The following RPS6KA5 variants were observed in gnomAD, a reference collection of about 807,000 sequenced individuals.
RPS6KA5 encodes the protein ribosomal protein S6 kinase A5, also known as ribosomal protein S6 kinase alpha-5.
A neutral mutation model predicts 85.5 loss-of-function variants in RPS6KA5; 27 were observed. The observed-to-expected ratio is 0.32, with a 90% CI of 0.23 to 0.44. The LOEUF is 0.44. RPS6KA5 is among the 20% of genes least tolerant of loss of function. RPS6KA5 has a pLI of 1.00. For synonymous variants in RPS6KA5, 334 were observed against 348.2 expected (o/e 0.96, Z 0.46); for missense variants, 811 against 980.9 (o/e 0.83, Z 2.31).
intron 1 of RPS6KA5, among the ~76,000 whole-genome samples, chr14:91,015,991 TAG>T (rs1371500509): frequency 2.0e-5 from 3 of 152,146 alleles, no homozygotes; most frequent in Admixed American, 2.0e-4. Context: ...ATTCTGAATG[TAG>T]AAGAAAAAAG....
In RPS6KA5 at chr14:90,947,531, T is replaced by A; in HGVS notation, c.414A>T (p.Glu138Asp). Reference protein sequence around the residue: ...HLILDYINGGELFTHLSQRER... With the variant: ...HLILDYINGGDLFTHLSQRER... ...CTCTTTGAGAAAGATGAGTAAAAAG[T>A]TCACCACCATTTATATAATCTAAAA... Residue 138 changes from glutamate to aspartate, a missense_variant, in exon 4 of 17, where the codon GAA (glutamate) becomes GAT (aspartate). Transcript: ENST00000614987. 6.3e-7 allele frequency: 1 copy of A among 1,591,232 alleles called. No homozygotes were observed. Among genetic ancestry groups the A allele is most frequent in the Non-Finnish European group, 8.6e-7 (1 of 1,159,778 alleles).
intron 5 of RPS6KA5, among the ~76,000 whole-genome samples, chr14:90,937,465 T>C (rs1023686210): frequency 6.6e-6 from 1 of 151,988 alleles, no homozygotes; most frequent in African/African-American, 2.4e-5. Context: ...AATTTTAAGA[T>C]GGAAAGACTA....
chr14:91,058,084 C>CA (rs946703022), intron 1 of RPS6KA5, among the ~76,000 whole-genome samples: 1 of 152,194 alleles, frequency 6.6e-6, no homozygotes, highest in African/African-American at 2.4e-5. Flanking sequence ...CATATCAGAT[C>CA]AAATTACTCT....
At chr14:91,013,060 C>T (rs2041327034) in intron 1 of RPS6KA5, among the ~76,000 whole-genome samples, 1 of 152,184 alleles carries the variant, frequency 6.6e-6, no homozygotes. Flanking sequence ...ACTCCCTATC[C>T]TTAAGTGAGC....
chr14:90,999,507 G>A (rs1167093993), intron 2 of RPS6KA5, among the ~76,000 whole-genome samples: 1 of 152,144 alleles, frequency 6.6e-6, no homozygotes, highest in Non-Finnish European at 1.5e-5. Flanking sequence ...GAATGGGGAG[G>A]AGGAGGGGGA....
chr14:90,923,193 C>T lies in RPS6KA5; in HGVS notation c.622G>A (p.Glu208Lys). 6.2e-7 allele frequency: 1 copy of T among 1,610,706 alleles called. No homozygotes were observed. The change falls in exon 6 of 17, where the codon GAA becomes AAA. Residue 208 changes from glutamate (E) to lysine (K), a missense_variant. By Grantham distance (56) the Glu-to-Lys change is moderately conservative (BLOSUM62 1). This residue lies in a region of RPS6KA5 where 650 missense variants were observed against 793.4 expected (regional missense o/e 0.82). Transcript: ENST00000614987. The part of the protein sequence containing the change: ...LSKEFVADET[E>K]RAYSFCGTIE... ...GTTCCACAAAAGGAATATGCTCTTT[C>T]AGTCTTGAACAAACAAACAAAAAAG... is the stretch of plus-strand genomic sequence containing the variant.
intron 1 of RPS6KA5, among the ~76,000 whole-genome samples, chr14:91,040,398 A>C (rs748701104): frequency 6.6e-6 from 1 of 152,198 alleles, no homozygotes; most frequent in Non-Finnish European, 1.5e-5. Context: ...ACAAGAGCGA[A>C]AGTCCGCCTC....
chr14:91,036,188 C>T (rs1272213421), intron 1 of RPS6KA5, among the ~76,000 whole-genome samples: 2 of 152,272 alleles, frequency 1.3e-5, no homozygotes, highest in South Asian at 4.1e-4. Context: ...AACTTGTATA[C>T]TGGTGAACTA....
chr14:90,930,903 G>A (rs1409050114), intron 5 of RPS6KA5, among the ~76,000 whole-genome samples: 1 of 152,216 alleles, frequency 6.6e-6, no homozygotes, highest in Non-Finnish European at 1.5e-5. Context: ...TGTTGGCAAA[G>A]ATACGGAGAA....
At chr14:90,884,383 T>C (rs561106380) in intron 14 of RPS6KA5, among the ~76,000 whole-genome samples, 1 of 152,202 alleles carries the variant, frequency 6.6e-6, no homozygotes, top group Admixed American at 6.6e-5. Flanking sequence ...CTGGGGCACT[T>C]TGCATTTTGA....
chr14:90,975,136 G>A (rs1332088792), intron 3 of RPS6KA5, among the ~76,000 whole-genome samples: 1 of 151,884 alleles, frequency 6.6e-6, no homozygotes, highest in African/African-American at 2.4e-5. Context: ...TGTATTTTCT[G>A]TATGCATATA....
At chr14:90,983,787 TTCTCTCTCTCTCTCTCTCTC>T (rs770148887) in intron 2 of RPS6KA5, among the ~76,000 whole-genome samples, 1 of 129,334 alleles carries the variant, frequency 7.7e-6, no homozygotes, top group East Asian at 2.4e-4. Context: ...CTTTCTTTCT[TTCTCTCTCTCTCTCTCTCTC>T]TCTCTCTCTG....
intron 9 of RPS6KA5, among the ~76,000 whole-genome samples, chr14:90,900,968 T>C (rs1269489775): frequency 6.6e-6 from 1 of 152,084 alleles, no homozygotes; most frequent in Non-Finnish European, 1.5e-5. Flanking sequence ...AATTCAAAAA[T>C]AAAGGTAGAA....
Position 91,001,734 on chromosome 14 carries a change from T to C in RPS6KA5, c.104-575A>G, listed in dbSNP as rs1442621275. 4.6e-5 allele frequency among the ~76,000 whole-genome samples: 7 copies of C among 152,346 alleles called. No individual in the cohort carries two copies. The South Asian group carries it at 1.4e-3, about 32-fold the overall frequency. On this transcript the variant is annotated intron_variant, in intron 1 of 16. Transcript: ENST00000614987. ...TGTCAGCTCTAAAATTCTAGGACTATGTTTAAAAATATAAACTCTTCAAAG... is the reference window on the plus strand; with the variant it reads ...TGTCAGCTCTAAAATTCTAGGACTACGTTTAAAAATATAAACTCTTCAAAG...
intron 2 of RPS6KA5, among the ~76,000 whole-genome samples, chr14:90,988,738 G>A (rs1039709654): frequency 3.3e-5 from 5 of 152,132 alleles, no homozygotes; most frequent in African/African-American, 4.8e-5. Flanking sequence ...GCTTGAATCC[G>A]GGAGGCGGAG....
chr14:90,873,700 G>T lies in RPS6KA5; in HGVS notation c.2092C>A (p.Leu698Met), dbSNP rs2033271240. ...QDGSQLSSNP[L>M]MTPDILGSSG... is the part of the protein sequence containing the mutation. ...GATCCTAGAATATCCGGAGTCATCAGAGGATTGGAGGACAGCTGACTTCCA... is the reference window on the plus strand; with the variant it reads ...GATCCTAGAATATCCGGAGTCATCATAGGATTGGAGGACAGCTGACTTCCA... Residue 698 changes from leucine to methionine, a missense_variant, in exon 16 of 17, where the codon CTG becomes ATG. Leu to Met is a conservative substitution (Grantham distance 15). Around this residue, in one of 3 missense-constraint regions of RPS6KA5, gnomAD observed 650 missense variants for 793.4 expected, o/e 0.82. Coordinates refer to ENST00000614987, the MANE Select transcript of RPS6KA5 (RefSeq NM_004755.4). The T allele has an allele frequency of 6.2e-7, 1 of 1,614,042 alleles. No homozygotes were observed. The highest frequency in any genetic ancestry group is 1.3e-5 in the African/African-American group (1 of 74,930).
intron 3 of RPS6KA5, among the ~76,000 whole-genome samples, chr14:90,967,488 CTT>C (rs1202540860): frequency 6.6e-6 from 1 of 152,074 alleles, no homozygotes; most frequent in Admixed American, 6.6e-5. Flanking sequence ...ATTATAATGA[CTT>C]AAATATAAAA....
rs2032371215 is a variant in RPS6KA5 at position 90,858,084 on chromosome 14, G to A, written c.*13990C>T. ...AATAGAGTAGCTTGTGATTGGACTA[G>A]CCCTCCTACTGAAAACAACGATGAA... On this transcript the variant is annotated 3_prime_UTR_variant, in exon 17 of 17. Transcript: ENST00000614987. 6.6e-6 allele frequency: 1 copy of A among 152,086 alleles called. No individual in the cohort carries two copies. The highest frequency in any genetic ancestry group is 6.6e-5 in the Admixed American group (1 of 15,242). 9.4% of individuals were successfully genotyped at this position (152,086 alleles called of 1,614,324 possible). A position where few individuals can be genotyped will look rare whatever the true frequency, so the allele number is the denominator to read the frequency against.
At chr14:91,024,640 A>G (rs1214265808) in intron 1 of RPS6KA5, among the ~76,000 whole-genome samples, 1 of 152,188 alleles carries the variant, frequency 6.6e-6, no homozygotes, top group East Asian at 1.9e-4. Context: ...TCTCCAAGGT[A>G]CCAACCCCTT....
Sources: gnomAD v4.1 joint callset for allele counts (sites outside exome capture counted in the v4.1 genomes callset) on GRCh38, gnomAD v4.1.1 for gene constraint, gnomAD v4.1.1 regional missense constraint, MANE v1.5 for transcripts, NCBI Gene and HGNC (gene_info 2026-07-23, HGNC 2026-07-21) for gene names.